The following PRKN variants were observed in gnomAD, a reference collection of about 807,000 sequenced individuals.
PRKN encodes E3 ubiquitin-protein ligase parkin.
PRKN carries 56 observed loss-of-function variants against 59.5 expected under a neutral mutation model. The observed-to-expected ratio is 0.94, with a 90% CI of 0.76 to 1.18. The LOEUF (loss-of-function observed/expected upper bound fraction) is 1.18, where lower values mean the gene tolerates loss of function less well. PRKN is among the 50% of genes most tolerant of loss of function. The probability of loss-of-function intolerance (pLI) is 0.00; values close to 1 mark genes in which losing one functional copy is unlikely to be tolerated. For missense variants in PRKN, 657 were observed against 596.4 expected, an observed-to-expected ratio of 1.10 and a Z score of -1.06; for synonymous variants, 250 against 222.1, an observed-to-expected ratio of 1.13 and a Z score of -1.12.
intron 7 of PRKN, among the ~76,000 whole-genome samples, chr6:161,709,864 C>T (rs1316205439): frequency 1.3e-5 from 2 of 151,990 alleles, no homozygotes; most frequent in African/African-American, 4.8e-5. Flanking sequence ...ACCAAGATAC[C>T]TTAAATGTCT....
intron 2 of PRKN, among the ~76,000 whole-genome samples, chr6:162,306,711 A>G (rs1377968208): frequency 6.6e-6 from 1 of 152,212 alleles, no homozygotes; most frequent in Non-Finnish European, 1.5e-5. Flanking sequence ...GAAAATTATT[A>G]GACAATCTCT....
intron 1 of PRKN, among the ~76,000 whole-genome samples, chr6:162,682,606 G>A (rs556505182): frequency 1.3e-5 from 2 of 152,176 alleles, no homozygotes; most frequent in South Asian, 4.1e-4. Flanking sequence ...CTACTTGAGG[G>A]TGGAGAGTGG....
intron 6 of PRKN, among the ~76,000 whole-genome samples, chr6:161,971,314 A>T (rs183373655): frequency 4.5e-4 from 69 of 152,354 alleles, no homozygotes; most frequent in Non-Finnish European, 8.2e-4. Flanking sequence ...TAATACCATC[A>T]TCACCACATA....
At chr6:161,398,308 G>A (rs1192058844) in intron 9 of PRKN, among the ~76,000 whole-genome samples, 2 of 152,028 alleles carry the variant, frequency 1.3e-5, no homozygotes, top group East Asian at 1.9e-4. Flanking sequence ...TTGAAGGGAC[G>A]CCCATCCATG....
chr6:161,710,294 T>C (rs1786682499), intron 7 of PRKN, among the ~76,000 whole-genome samples: 1 of 152,210 alleles, frequency 6.6e-6, no homozygotes, highest in Non-Finnish European at 1.5e-5. Flanking sequence ...TTCAGCCTTA[T>C]GATGGTGTAA....
intron 7 of PRKN, among the ~76,000 whole-genome samples, chr6:161,693,260 A>AT (rs113264173): frequency 9.9e-5 from 15 of 152,174 alleles, no homozygotes; most frequent in Middle Eastern, 3.4e-3. Context: ...CGAAAGATAG[A>AT]TTTTTTCTGT....
rs990254089 is a variant in PRKN at position 161,473,319 on chromosome 6, G to A, written c.1083+75535C>T. On this transcript the variant is annotated intron_variant, in intron 9 of 11. Coordinates refer to ENST00000366898, the MANE Select transcript of PRKN (RefSeq NM_004562.3). This position sits in a 1 kb window ranked among gnomAD's most constrained non-coding sequence, Gnocchi z 4.1. ...ATACATATATATTAGGGAGAGGGGAGCATTATATATATAGATACCTATATA... is the reference window on the plus strand; with the variant it reads ...ATACATATATATTAGGGAGAGGGGAACATTATATATATAGATACCTATATA... Among the ~76,000 whole-genome samples the A allele has an allele frequency of 6.6e-6, 1 of 150,402 alleles. No individual in the cohort carries two copies. Among genetic ancestry groups the A allele is most frequent in the Admixed American group, 6.6e-5 (1 of 15,052 alleles).
chr6:162,462,045 T>C (rs766260787), intron 1 of PRKN, among the ~76,000 whole-genome samples: 3 of 152,156 alleles, frequency 2.0e-5, no homozygotes, highest in Non-Finnish European at 2.9e-5. Flanking sequence ...GTCAGTATTA[T>C]AGGATGGAGG....
At chr6:162,282,328 T>A (rs1386850011) in intron 2 of PRKN, among the ~76,000 whole-genome samples, 3 of 150,134 alleles carry the variant, frequency 2.0e-5, no homozygotes, top group Non-Finnish European at 4.4e-5. Flanking sequence ...AAGAGTATAT[T>A]AAAAAAAAAA....
chr6:162,727,194 T>G (rs767155239), intron 1 of PRKN: 78 of 159,100 alleles, frequency 4.9e-4, no homozygotes, highest in Non-Finnish European at 9.6e-4. Flanking sequence ...CCATTAGAGT[T>G]TAATGCTTTG....
chr6:162,531,235 G>T (rs1778501240), intron 1 of PRKN, among the ~76,000 whole-genome samples: 1 of 152,018 alleles, frequency 6.6e-6, no homozygotes, highest in Admixed American at 6.6e-5. Context: ...GTACATGCCT[G>T]TAATCCCAGC....
intron 1 of PRKN, among the ~76,000 whole-genome samples, chr6:162,455,760 A>T (rs1197608976): frequency 1.3e-5 from 2 of 152,172 alleles, no homozygotes; most frequent in African/African-American, 2.4e-5. Context: ...GTTTTGATTT[A>T]AAAAATGTTA....
intron 4 of PRKN, among the ~76,000 whole-genome samples, chr6:162,179,132 G>A (rs1048974789): frequency 1.3e-5 from 2 of 152,034 alleles, no homozygotes; most frequent in African/African-American, 4.8e-5. Context: ...CTCCTGCCTC[G>A]GCCTCTCGAA....
At chr6:161,988,649 G>A (rs1781529056) in intron 5 of PRKN, among the ~76,000 whole-genome samples, 1 of 151,886 alleles carries the variant, frequency 6.6e-6, no homozygotes, top group Admixed American at 6.6e-5. Flanking sequence ...TAAAAACAGA[G>A]AAAACCTATT....
At chr6:162,375,672 CT>C (rs1416953215) in intron 2 of PRKN, among the ~76,000 whole-genome samples, 1 of 151,566 alleles carries the variant, frequency 6.6e-6, no homozygotes, top group African/African-American at 2.4e-5. Context: ...TAGACATGTA[CT>C]TACAAAATGG....
chr6:162,057,672 A>T (rs1317372114), intron 4 of PRKN, among the ~76,000 whole-genome samples: 1 of 152,230 alleles, frequency 6.6e-6, no homozygotes, highest in African/African-American at 2.4e-5. Context: ...TCTTACTCCT[A>T]TACAAAAACT....
chr6:162,413,469 T>C (rs1379010480), intron 2 of PRKN, among the ~76,000 whole-genome samples: 3 of 152,198 alleles, frequency 2.0e-5, no homozygotes, highest in East Asian at 1.9e-4. Context: ...CTGCCTCAGA[T>C]AGTAACTAAT....
chr6:162,120,757 T>C (rs1397715913), intron 4 of PRKN, among the ~76,000 whole-genome samples: 1 of 152,208 alleles, frequency 6.6e-6, no homozygotes, highest in Non-Finnish European at 1.5e-5. Context: ...TTCTAAAATA[T>C]GACCTTCCTA....
At chr6:161,843,000 G>T (rs934696649) in intron 6 of PRKN, among the ~76,000 whole-genome samples, 2 of 152,136 alleles carry the variant, frequency 1.3e-5, no homozygotes, top group Non-Finnish European at 2.9e-5. Flanking sequence ...AATCTACTCA[G>T]GAGTGCTATG....
Sources: allele counts gnomAD v4.1 joint callset (sites outside exome capture counted in the v4.1 genomes callset), GRCh38; gene constraint gnomAD v4.1.1; non-coding constraint Gnocchi (gnomAD v3.1); transcripts MANE v1.5; gene names NCBI Gene and HGNC (gene_info 2026-07-23, HGNC 2026-07-21).